Variants in STS observed in about 807,000 individuals in gnomAD.
STS encodes steryl-sulfatase.
STS carries 7 observed loss-of-function variants against 26.8 expected under a neutral mutation model. The observed-to-expected ratio is 0.26, with a 90% CI of 0.15 to 0.49. The LOEUF is 0.49. STS is among the 20% of genes least tolerant of loss of function. STS has a pLI of 0.98. For missense variants in STS, 434 were observed against 465.6 expected (o/e 0.93, Z 0.63); for synonymous variants, 199 against 189.4 (o/e 1.05, Z -0.42).
intron 2 of STS, among the ~76,000 whole-genome samples, chrX:7,197,261 T>C: frequency 8.9e-6 from 1 of 111,790 alleles, no homozygotes; most frequent in Non-Finnish European, 1.9e-5. Context: ...ATTATTTGAA[T>C]AAGATCTGAC....
intron 8 of STS, among the ~76,000 whole-genome samples, chrX:7,314,621 C>T (rs1364337910): frequency 8.8e-6 from 1 of 113,079 alleles, no homozygotes; most frequent in African/African-American, 3.2e-5. Flanking sequence ...CTTCAGTTGA[C>T]AAAATGTATG....
intron 9 of STS, among the ~76,000 whole-genome samples, chrX:7,329,924 T>C (rs1927667107): frequency 8.9e-6 from 1 of 111,881 alleles, no homozygotes; most frequent in African/African-American, 3.2e-5. Flanking sequence ...TTGTTCTGTT[T>C]TTGTTTTGCA....
chrX:7,260,788 G>T (rs927208156), intron 6 of STS, among the ~76,000 whole-genome samples: 1 of 111,839 alleles, frequency 8.9e-6, no homozygotes, highest in African/African-American at 3.3e-5. Context: ...GGTTGTCCTT[G>T]TGATATAAAC....
intron 2 of STS, among the ~76,000 whole-genome samples, chrX:7,192,953 A>G (rs1840954185): frequency 8.9e-6 from 1 of 112,850 alleles, no homozygotes; most frequent in South Asian, 3.6e-4. Context: ...GCTCACTGCA[A>G]CAAGAGGCTT....
In STS at chrX:7,349,315, C is replaced by CTTTTTTTTTTTTTTTTTTTTTTTTT. The variant is rs1928669611; in HGVS notation, c.1364-573_1364-572insTTTTTTTTTTTTTTTTTTTTTTTTT. Among the ~76,000 whole-genome samples the CTTTTTTTTTTTTTTTTTTTTTTTTT allele has an allele frequency of 9.9e-5, 2 of 20,285 alleles. 1 individual carries two copies. The highest frequency in any genetic ancestry group is 1.8e-4 in the Non-Finnish European group (2 of 11,002). The allele number at this position is 20,285 out of a possible 115,157, so 17.6% of individuals were successfully genotyped here. A position where few individuals can be genotyped will look rare whatever the true frequency, so the allele number is the denominator to read the frequency against. ...CGCTGCACTCGGCCCTCATTTAATT[C>CTTTTTTTTTTTTTTTTTTTTTTTTT]CTTTTTTTTTTTTTTTTTTTTTTTT... On this transcript the variant is annotated intron_variant, in intron 10 of 10. Transcript: ENST00000674429.
chrX:7,247,739 G>A (rs1272291824), intron 2 of STS, among the ~76,000 whole-genome samples: 1 of 111,793 alleles, frequency 8.9e-6, no homozygotes, highest in Non-Finnish European at 1.9e-5. Flanking sequence ...ACTGAGGGGA[G>A]TTATACATGC....
At chrX:7,250,516 G>A (rs1193004274) in intron 2 of STS, among the ~76,000 whole-genome samples, 1 of 111,465 alleles carries the variant, frequency 9.0e-6, no homozygotes, top group Non-Finnish European at 1.9e-5. Flanking sequence ...TGATGGCATT[G>A]TATAACTGGA....
At chrX:7,334,166 A>G (rs1927900275) in intron 10 of STS, 59 bp downstream of exon 10, 4 of 1,205,961 alleles carry the variant, frequency 3.3e-6, no homozygotes, top group Non-Finnish European at 4.5e-6. Context: ...CCATGGGAAT[A>G]GATAAAACTA....
intron 1 of STS, among the ~76,000 whole-genome samples, chrX:7,189,911 A>C (rs1478118105): frequency 1.5e-4 from 17 of 110,975 alleles, no homozygotes; most frequent in African/African-American, 5.6e-4. Flanking sequence ...GGTGTAAGCC[A>C]AGAGGTGAGG....
intron 2 of STS, among the ~76,000 whole-genome samples, chrX:7,225,143 A>G (rs778516405): frequency 8.9e-6 from 1 of 112,143 alleles, no homozygotes; most frequent in Admixed American, 9.5e-5. Context: ...TGTGACTCCC[A>G]GCTATGAATC....
At chrX:7,258,945 G>A (rs1260437523) in intron 5 of STS, among the ~76,000 whole-genome samples, 3 of 110,391 alleles carry the variant, frequency 2.7e-5, no homozygotes. Flanking sequence ...TCTGTAGAGT[G>A]TGGTTTCCTG....
intron 2 of STS, among the ~76,000 whole-genome samples, chrX:7,246,759 T>C (rs1219361017): frequency 8.9e-6 from 1 of 112,189 alleles, no homozygotes; most frequent in African/African-American, 3.2e-5. Flanking sequence ...TTAGTTACAC[T>C]CTCAGTCTGT....
At chrX:7,277,431 C>T in intron 7 of STS, among the ~76,000 whole-genome samples, 1 of 111,586 alleles carries the variant, frequency 9.0e-6, no homozygotes. Flanking sequence ...TGGTGGTCAC[C>T]TACTGTGGTG....
At chrX:7,320,055 A>ATATATATATTTATATATTATATATATTT (rs1926935160) in intron 8 of STS, among the ~76,000 whole-genome samples, 1 of 92,683 alleles carries the variant, frequency 1.1e-5, no homozygotes, top group Non-Finnish European at 2.1e-5. Context: ...ATATATATTT[A>ATATATATATTTATATATTATATATATTT]TATATATATT....
intron 2 of STS, among the ~76,000 whole-genome samples, chrX:7,216,307 C>A (rs746326704): frequency 9.0e-6 from 1 of 111,651 alleles, no homozygotes; most frequent in African/African-American, 3.3e-5. Context: ...TTTAGGGGGT[C>A]TCCCAGGAAA....
chrX:7,284,545 C>T (rs1158263521), intron 7 of STS, among the ~76,000 whole-genome samples: 1 of 112,634 alleles, frequency 8.9e-6, no homozygotes, highest in Non-Finnish European at 1.9e-5. Flanking sequence ...AATGTATCCC[C>T]TAGTCTCTCT....
At chrX:7,308,083 A>T (rs1197897241) in intron 8 of STS, among the ~76,000 whole-genome samples, 2 of 112,303 alleles carry the variant, frequency 1.8e-5, no homozygotes, top group African/African-American at 6.5e-5. Context: ...GGGGGAGTCC[A>T]GCAGGCCCCT....
chrX:7,321,412 A>G (rs1333050164), intron 8 of STS, among the ~76,000 whole-genome samples: 1 of 111,966 alleles, frequency 8.9e-6, no homozygotes, highest in Non-Finnish European at 1.9e-5. Flanking sequence ...CTGCACATGT[A>G]CCCCTGAACC....
chrX:7,147,906 G>T lies in STS; in HGVS notation c.-311G>T. On this transcript the variant is annotated 5_prime_UTR_variant, in exon 1 of 11. Transcript: ENST00000674429. ...TGGCCGCCGCCCGACTTCGGGGCCA[G>T]CCGGGGGCAGAGCGCGCGGGAGCCC... 1 of 389,529 alleles carries T rather than the reference G, an allele frequency of 2.6e-6. No homozygotes were observed. The highest frequency in any genetic ancestry group is 4.7e-5 in the Admixed American group (1 of 21,347). 32.1% of individuals were successfully genotyped at this position (389,529 alleles called of 1,213,427 possible). A position where few individuals can be genotyped will look rare whatever the true frequency, so the allele number is the denominator to read the frequency against.
Sources: gnomAD v4.1 joint callset for allele counts (sites outside exome capture counted in the v4.1 genomes callset) on GRCh38, gnomAD v4.1.1 for gene constraint, MANE v1.5 for transcripts, NCBI Gene and HGNC (gene_info 2026-07-23, HGNC 2026-07-21) for gene names.